Variants in FAT3 observed in about 807,000 individuals in gnomAD.
FAT3 encodes FAT atypical cadherin 3.
Under a neutral mutation model 310.2 loss-of-function variants are expected in FAT3, and 95 were observed. The ratio of observed to expected loss-of-function variants is 0.31; its 90% CI spans 0.26 to 0.36. The LOEUF is 0.36. Among genes scored for constraint, FAT3 ranks in the 10% least tolerant of loss-of-function variants. The pLI is 1.00. For synonymous variants in FAT3, 2,314 were observed against 2,192.9 expected (o/e 1.06, Z -1.54); for missense variants, 5,408 against 5,715.6 (o/e 0.95, Z 1.74).
intron 2 of FAT3, among the ~76,000 whole-genome samples, chr11:92,406,981 T>G (rs1005792241): frequency 1.3e-5 from 2 of 152,224 alleles, no homozygotes; most frequent in African/African-American, 4.8e-5. Context: ...TAAGGTTTTC[T>G]TCTTAATATC....
chr11:92,586,114 T>G (rs1466579893), intron 3 of FAT3, among the ~76,000 whole-genome samples: 1 of 152,014 alleles, frequency 6.6e-6, no homozygotes, highest in Admixed American at 6.6e-5. Flanking sequence ...ATAGAAAAGG[T>G]AAAGGCTTGA....
intron 3 of FAT3, among the ~76,000 whole-genome samples, chr11:92,647,118 T>A (rs1042968114): frequency 3.5e-4 from 53 of 152,290 alleles, no homozygotes; most frequent in Admixed American, 8.5e-4. Flanking sequence ...TTGGCATTTT[T>A]TGCAATATCC....
chr11:92,782,458 G>A (rs1946777584), intron 7 of FAT3, among the ~76,000 whole-genome samples: 2 of 152,124 alleles, frequency 1.3e-5, no homozygotes, highest in Admixed American at 6.5e-5. Flanking sequence ...CACACCTATA[G>A]TCCCAGCTAC....
chr11:92,737,544 TGTGA>T (rs1945388828), intron 4 of FAT3, among the ~76,000 whole-genome samples: 1 of 151,990 alleles, frequency 6.6e-6, no homozygotes, highest in East Asian at 1.9e-4. Flanking sequence ...TGTCTGTGTG[TGTGA>T]GAGAGAGAGA....
At chr11:92,707,286 C>T (rs1944385349) in intron 4 of FAT3, among the ~76,000 whole-genome samples, 1 of 152,240 alleles carries the variant, frequency 6.6e-6, no homozygotes, top group African/African-American at 2.4e-5. Flanking sequence ...GACTGCTCTG[C>T]TCACCCATGG....
intron 1 of FAT3, among the ~76,000 whole-genome samples, chr11:92,244,745 A>G (rs532668349): frequency 1.3e-5 from 2 of 152,178 alleles, no homozygotes; most frequent in Non-Finnish European, 2.9e-5. Flanking sequence ...ATTGTATATC[A>G]CATTGTGGTT....
At chr11:92,346,275 C>G (rs781624988) in intron 1 of FAT3, among the ~76,000 whole-genome samples, 7 of 152,172 alleles carry the variant, frequency 4.6e-5, no homozygotes, top group African/African-American at 1.2e-4. Context: ...TGGGACTCAT[C>G]ATTGCAAGGA....
chr11:92,718,951 C>T (rs952873714), intron 4 of FAT3, among the ~76,000 whole-genome samples: 4 of 152,122 alleles, frequency 2.6e-5, no homozygotes, highest in Admixed American at 2.6e-4. Context: ...GAAATGTTAG[C>T]CTTTGGTTCT....
At chr11:92,461,829 T>C (rs1951645676) in intron 2 of FAT3, among the ~76,000 whole-genome samples, 1 of 152,174 alleles carries the variant, frequency 6.6e-6, no homozygotes, top group Admixed American at 6.5e-5. Flanking sequence ...CTGAGAAACT[T>C]CCTCTCACCC....
At chr11:92,237,082 A>G (rs933448084) in intron 1 of FAT3, among the ~76,000 whole-genome samples, 2 of 152,202 alleles carry the variant, frequency 1.3e-5, no homozygotes, top group Non-Finnish European at 1.5e-5. Flanking sequence ...CAATTCCAGC[A>G]TCATGGTGGA....
At chr11:92,484,671 C>A (rs1952323947) in intron 2 of FAT3, among the ~76,000 whole-genome samples, 1 of 152,112 alleles carries the variant, frequency 6.6e-6, no homozygotes, top group African/African-American at 2.4e-5. Context: ...AATCTTAAAC[C>A]CACAGCTTAT....
intron 3 of FAT3, among the ~76,000 whole-genome samples, chr11:92,693,784 A>G (rs1340751479): frequency 1.3e-5 from 2 of 152,140 alleles, no homozygotes; most frequent in Non-Finnish European, 2.9e-5. Context: ...AGATGTATTT[A>G]TTTATTTTCA....
At chr11:92,825,398 GC>G (rs1294551270) in intron 13 of FAT3, among the ~76,000 whole-genome samples, 1 of 152,134 alleles carries the variant, frequency 6.6e-6, no homozygotes, top group African/African-American at 2.4e-5. Context: ...AAAAATAGAG[GC>G]AAAAATAACA....
intron 1 of FAT3, among the ~76,000 whole-genome samples, chr11:92,226,524 G>C (rs1475808821): frequency 6.6e-6 from 1 of 151,982 alleles, no homozygotes; most frequent in Non-Finnish European, 1.5e-5. Context: ...CCGGGGTGTG[G>C]GTGTGCTGGC....
At chr11:92,355,864 G>T (rs1948714737) in intron 2 of FAT3, among the ~76,000 whole-genome samples, 1 of 152,168 alleles carries the variant, frequency 6.6e-6, no homozygotes, top group Non-Finnish European at 1.5e-5. Flanking sequence ...TGCATTAGTT[G>T]CTTGGTCTTT....
chr11:92,613,082 CCTT>C (rs750343586), intron 3 of FAT3, among the ~76,000 whole-genome samples: 1 of 152,132 alleles, frequency 6.6e-6, no homozygotes, highest in African/African-American at 2.4e-5. Flanking sequence ...TTCTTTAAAA[CCTT>C]CTTGGATTCT....
At chr11:92,551,414 T>TTGTGTGTGTGTGTGTGTGTGTG (rs71473973) in intron 3 of FAT3, among the ~76,000 whole-genome samples, 62 of 128,872 alleles carry the variant, frequency 4.8e-4, no homozygotes, top group African/African-American at 1.6e-3. Flanking sequence ...TTTTTTTGTT[T>TTGTGTGTGTGTGTGTGTGTGTG]TGTGTGTGTG....
chr11:92,571,341 G>T (rs1166046898), intron 3 of FAT3, among the ~76,000 whole-genome samples: 1 of 152,112 alleles, frequency 6.6e-6, no homozygotes, highest in Admixed American at 6.5e-5. Context: ...GCAGCTAGGG[G>T]TGAGGGAAGG....
At chr11:92,366,711 C>T in intron 2 of FAT3, 1 of 536,064 alleles carries the variant, frequency 1.9e-6, no homozygotes, top group South Asian at 1.4e-5. Flanking sequence ...GCAATCAGTA[C>T]TCATTTCCCC....
Sources: allele counts gnomAD v4.1 joint callset (sites outside exome capture counted in the v4.1 genomes callset), GRCh38; gene constraint gnomAD v4.1.1; transcripts MANE v1.5; gene names NCBI Gene and HGNC (gene_info 2026-07-23, HGNC 2026-07-21).